Variants in PKDCC observed in about 807,000 individuals in gnomAD.
PKDCC encodes protein kinase domain containing, cytoplasmic.
PKDCC carries 35 observed loss-of-function variants against 44.7 expected under a neutral mutation model. The ratio of observed to expected loss-of-function variants is 0.78; its 90% CI spans 0.60 to 1.04. The LOEUF (loss-of-function observed/expected upper bound fraction) is 1.04. Among genes scored for constraint, PKDCC ranks in the 50% least tolerant of loss-of-function variants. The pLI is 0.00. For synonymous variants in PKDCC, 353 were observed against 303.3 expected (o/e 1.16, Z -1.70); for missense variants, 738 against 672.7 (o/e 1.10, Z -1.07).
At chr2:42,053,977 T>C (rs905890783) in intron 2 of PKDCC, 59 bp from the exon 3 acceptor site, 6 of 1,562,782 alleles carry the variant, frequency 3.8e-6, no homozygotes, top group Non-Finnish European at 4.3e-6. Context: ...TGCCCTCGAG[T>C]CCCACAGACC....
Position 42,050,882 on chromosome 2 carries a change from G to A in PKDCC, c.639+2044G>A, listed in dbSNP as rs73930810. Among the ~76,000 whole-genome samples, 945 of 152,202 alleles carry A rather than the reference G, an allele frequency of 6.2e-3. 11 individuals carry two copies. The highest frequency in any genetic ancestry group is 0.022 in the African/African-American group (900 of 41,510). ...AGTGTCGCTCTGGCCTCCTAAACAC[G>A]GCCATCTTTGCTGGCAGGGAAGCCT... On this transcript the variant is annotated intron_variant, in intron 1 of 6. Coordinates refer to ENST00000294964, the MANE Select transcript of PKDCC (RefSeq NM_138370.3).
Position 42,055,373 on chromosome 2 carries a change from C to T in PKDCC, c.1202C>T (p.Ser401Phe), listed in dbSNP as rs1668036736. The T allele has an allele frequency of 1.9e-6, 3 of 1,613,604 alleles. No homozygotes were observed. Among genetic ancestry groups the T allele is most frequent in the Non-Finnish European group, 2.5e-6 (3 of 1,179,964 alleles). The change falls in exon 5 of 7, where the codon TCC becomes TTC. Residue 401 changes from serine (S) to phenylalanine (F), a missense_variant. Physicochemically the swap from Ser to Phe is radical, Grantham distance 155. Transcript: ENST00000294964. The surrounding 1 kb of genome is among the most constrained non-coding windows in gnomAD (Gnocchi z 4.5). Reference sequence around the variant, plus strand: ...CGGAGCGGGCAGTATCTGCAGAACTCCACGGCAAGCAGCAGTACCGGTGAG... The same window carrying T: ...CGGAGCGGGCAGTATCTGCAGAACTTCACGGCAAGCAGCAGTACCGGTGAG... Reference protein sequence around the residue: ...LYRSGQYLQNSTASSSTEYQC... With the variant: ...LYRSGQYLQNFTASSSTEYQC...
At position 42,054,366 on chromosome 2, in the gene PKDCC, G is replaced by A; in HGVS notation, c.1034+59G>A. 2 of 1,531,408 alleles carry A rather than the reference G, an allele frequency of 1.3e-6. No homozygotes were observed. The highest frequency in any genetic ancestry group is 1.8e-6 in the Non-Finnish European group (2 of 1,134,974). 94.9% of individuals were successfully genotyped at this position (1,531,408 alleles called of 1,614,324 possible). A position where few individuals can be genotyped will look rare whatever the true frequency, so the allele number is the denominator to read the frequency against. The stretch of plus-strand genomic sequence containing the variant: ...AAGGAGAATGGGCCAGGAGGGCATG[G>A]CAGGAAGAGAGCCAACGTGGAGGCC... On this transcript the variant is annotated intron_variant, in intron 3 of 6. Transcript: ENST00000294964. The surrounding 1 kb of genome is among the most constrained non-coding windows in gnomAD (Gnocchi z 6.1).
In PKDCC at chr2:42,053,179, G is replaced by T. The variant is rs1318311927; in HGVS notation, c.640-60G>T. The T allele has an allele frequency of 1.3e-5, 17 of 1,300,808 alleles. No individual in the cohort carries two copies. In the East Asian group the frequency reaches 4.1e-4, roughly 31 times the overall value. The allele number at this position is 1,300,808 out of a possible 1,614,324, so 80.6% of individuals were successfully genotyped here. A position where few individuals can be genotyped will look rare whatever the true frequency, so the allele number is the denominator to read the frequency against. Reference sequence around the variant, plus strand: ...GAGAGAGGGGGAACCTGACAGTCCAGCCCTTCCCTGTCCCCACCCCCACCC... The same window carrying T: ...GAGAGAGGGGGAACCTGACAGTCCATCCCTTCCCTGTCCCCACCCCCACCC... On this transcript the variant is annotated intron_variant, in intron 1 of 6. Transcript: ENST00000294964.
Position 42,054,274 on chromosome 2 carries a change from T to C in PKDCC, c.1001T>C (p.Met334Thr), listed in dbSNP as rs1355607890. The C allele has an allele frequency of 2.5e-6, 4 of 1,606,060 alleles. No individual in the cohort carries two copies. Among genetic ancestry groups the C allele is most frequent in the Non-Finnish European group, 3.4e-6 (4 of 1,176,038 alleles). Residue 334 changes from methionine (M) to threonine (T), a missense_variant, in exon 3 of 7, where the codon ATG becomes ACG. Met to Thr is a moderately conservative substitution (Grantham distance 81, BLOSUM62 -1). Coordinates refer to ENST00000294964, the MANE Select transcript of PKDCC (RefSeq NM_138370.3). This position sits in a 1 kb window ranked among gnomAD's most constrained non-coding sequence, Gnocchi z 6.1. The part of the protein sequence containing the change: ...PCSAQGWCEG[M>T]NEKRNLYNAY... ...TCAGCCCAGGGCTGGTGCGAGGGCA[T>C]GAACGAGAAGCGGAACCTCTATAAT... is the stretch of plus-strand genomic sequence containing the variant.
chr2:42,055,452 C>A lies in PKDCC; in HGVS notation c.1222+59C>A. The A allele has an allele frequency of 6.7e-7, 1 of 1,498,068 alleles. No individual in the cohort carries two copies. The highest frequency in any genetic ancestry group is 9.2e-7 in the Non-Finnish European group (1 of 1,089,672). The allele number at this position is 1,498,068 out of a possible 1,614,324, so 92.8% of individuals were successfully genotyped here. A position where few individuals can be genotyped will look rare whatever the true frequency, so the allele number is the denominator to read the frequency against. On this transcript the variant is annotated intron_variant, in intron 5 of 6. Transcript: ENST00000294964. This position sits in a 1 kb window ranked among gnomAD's most constrained non-coding sequence, Gnocchi z 4.5. ...AGAAACAGGTGGGAGGGTGAATGACCCCGCCCAATTAGGCTAAGTGGCTCA... is the reference window on the plus strand; with the variant it reads ...AGAAACAGGTGGGAGGGTGAATGACACCGCCCAATTAGGCTAAGTGGCTCA...
intron 1 of PKDCC, among the ~76,000 whole-genome samples, chr2:42,049,571 T>A (rs1667933775): frequency 6.6e-6 from 1 of 152,100 alleles, no homozygotes; most frequent in Non-Finnish European, 1.5e-5. Context: ...TGTCACACTG[T>A]CTGAGTGTAT....
chr2:42,057,483 G>A, intron 6 of PKDCC, 89 bp downstream of exon 6: 1 of 1,574,110 alleles, frequency 6.4e-7, no homozygotes, highest in Non-Finnish European at 8.7e-7. Context: ...AAGTCAGAGG[G>A]GGTGCTGAGG....
At chr2:42,053,477 G>C in intron 2 of PKDCC, 116 bp downstream of exon 2, 2 of 1,405,662 alleles carry the variant, frequency 1.4e-6, no homozygotes, top group Non-Finnish European at 9.6e-7. Flanking sequence ...GGGAGGGGAG[G>C]AAGGCGCACA....
intron 1 of PKDCC, 49 bp from the exon 2 acceptor site, chr2:42,053,190 T>TGGC: frequency 5.8e-6 from 7 of 1,199,986 alleles, no homozygotes; most frequent in South Asian, 1.3e-5. Context: ...CCCTTCCCTG[T>TGGC]CCCCACCCCC....
chr2:42,048,303 C>T lies in PKDCC; in HGVS notation c.104C>T (p.Pro35Leu). ...GCTCCGGGCTCGGAGCCTCCGAGGC[C>T]AGGCCAGTCCCCTGAGCCTTCGCCG... Reference protein sequence around the residue: ...LFAPGSEPPRPGQSPEPSPAP... With the variant: ...LFAPGSEPPRLGQSPEPSPAP... The change falls in exon 1 of 7, where the codon CCA (proline) becomes CTA (leucine). Residue 35 changes from proline to leucine, a missense_variant. By Grantham distance (98) the Pro-to-Leu change is moderately conservative. Coordinates refer to ENST00000294964, the MANE Select transcript of PKDCC (RefSeq NM_138370.3). The surrounding 1 kb of genome is among the most constrained non-coding windows in gnomAD (Gnocchi z 6.2). 8.1e-7 allele frequency: 1 copy of T among 1,240,282 alleles called. No individual in the cohort carries two copies. The highest frequency in any genetic ancestry group is 2.4e-5 in the South Asian group (1 of 42,194). 76.8% of individuals were successfully genotyped at this position (1,240,282 alleles called of 1,614,324 possible).
In PKDCC at chr2:42,052,772, A is replaced by G. The variant is rs1008777608; in HGVS notation, c.640-467A>G. On this transcript the variant is annotated intron_variant, in intron 1 of 6. Coordinates refer to ENST00000294964, the MANE Select transcript of PKDCC (RefSeq NM_138370.3). The surrounding 1 kb of genome is among the most constrained non-coding windows in gnomAD (Gnocchi z 4.3). ...AAAAAAGAAAAGAAAAGAAAAATAA[A>G]TAAAAATAGGTTGTGGAATCCGAGT... 2.6e-5 allele frequency among the ~76,000 whole-genome samples: 4 copies of G among 151,152 alleles called. No individual in the cohort carries two copies. Among genetic ancestry groups the G allele is most frequent in the Admixed American group, 1.3e-4 (2 of 15,206 alleles).
In PKDCC at chr2:42,057,988, T is replaced by C; in HGVS notation, c.*300T>C. 1 of 432,680 alleles carries C rather than the reference T, an allele frequency of 2.3e-6. No individual in the cohort carries two copies. The highest frequency in any genetic ancestry group is 4.2e-6 in the Non-Finnish European group (1 of 237,506). The allele number at this position is 432,680 out of a possible 1,614,324, so 26.8% of individuals were successfully genotyped here. Reference sequence around the variant, plus strand: ...AGGCTAGTCTCCCCACTGGGGGCTGTGCCCCTCCCTGGGACGGTTCCGTGG... The same window carrying C: ...AGGCTAGTCTCCCCACTGGGGGCTGCGCCCCTCCCTGGGACGGTTCCGTGG... On this transcript the variant is annotated 3_prime_UTR_variant, in exon 7 of 7. Coordinates refer to ENST00000294964, the MANE Select transcript of PKDCC (RefSeq NM_138370.3).
Position 42,057,788 on chromosome 2 carries a change from A to G in PKDCC, c.*100A>G, listed in dbSNP as rs1668083192. The G allele has an allele frequency of 1.0e-6, 1 of 953,034 alleles. No homozygotes were observed. The highest frequency in any genetic ancestry group is 1.6e-6 in the Non-Finnish European group (1 of 623,938). 59.0% of individuals were successfully genotyped at this position (953,034 alleles called of 1,614,324 possible). ...TGGCAGCACTGCATGTCACCTGGGA[A>G]CCCCTGCAGACAAAGCTAACATCCC... is the stretch of plus-strand genomic sequence containing the variant. On this transcript the variant is annotated 3_prime_UTR_variant, in exon 7 of 7. Transcript: ENST00000294964.
At chr2:42,056,019 G>C (rs1013166726) in intron 5 of PKDCC, among the ~76,000 whole-genome samples, 2 of 152,200 alleles carry the variant, frequency 1.3e-5, no homozygotes, top group Non-Finnish European at 2.9e-5. Context: ...GGGGTGAGCA[G>C]GTTTCATATT....
chr2:42,048,240 C>T lies in PKDCC; in HGVS notation c.41C>T (p.Ala14Val). 1.6e-6 allele frequency: 2 copies of T among 1,268,794 alleles called. No homozygotes were observed. The allele number at this position is 1,268,794 out of a possible 1,614,324, so 78.6% of individuals were successfully genotyped here. A position where few individuals can be genotyped will look rare whatever the true frequency, so the allele number is the denominator to read the frequency against. ...RRAAVAAGFC[A>V]SFLLGSVLNV... ...GCGGCAGTGGCCGCGGGTTTCTGCG[C>T]CTCCTTCCTGCTGGGCTCCGTCCTC... The change falls in exon 1 of 7, where the codon GCC becomes GTC. Residue 14 changes from alanine to valine, a missense_variant. Ala to Val is a moderately conservative substitution (Grantham distance 64). Coordinates refer to ENST00000294964, the MANE Select transcript of PKDCC (RefSeq NM_138370.3). This position sits in a 1 kb window ranked among gnomAD's most constrained non-coding sequence, Gnocchi z 6.2.
chr2:42,054,223 C>T lies in PKDCC; in HGVS notation c.950C>T (p.Pro317Leu), dbSNP rs765017603. The T allele has an allele frequency of 9.4e-6, 15 of 1,603,248 alleles. No individual in the cohort carries two copies. Among genetic ancestry groups the T allele is most frequent in the Middle Eastern group, 1.7e-4 (1 of 5,844 alleles). Residue 317 changes from proline to leucine, a missense_variant, in exon 3 of 7, where the codon CCG (proline) becomes CTG (leucine). Pro to Leu is a moderately conservative substitution (Grantham distance 98). Transcript: ENST00000294964. This position sits in a 1 kb window ranked among gnomAD's most constrained non-coding sequence, Gnocchi z 6.1. ...AGSTDCILEF[P>L]ARNFTLPCSA... is the part of the protein sequence containing the mutation. The stretch of plus-strand genomic sequence containing the variant: ...AGCACCGACTGCATACTCGAGTTTC[C>T]GGCCAGGAACTTCACCCTGCCCTGC...
rs944676081 is a variant in PKDCC at position 42,058,035 on chromosome 2, A to G, written c.*347A>G. On this transcript the variant is annotated 3_prime_UTR_variant, in exon 7 of 7. Coordinates refer to ENST00000294964, the MANE Select transcript of PKDCC (RefSeq NM_138370.3). This position sits in a 1 kb window ranked among gnomAD's most constrained non-coding sequence, Gnocchi z 4.2. ...GTGGGCAGCCCCATCACTGTGTTCAATAGTGTGAGAATGTAGCTAAAGCCC... is the reference window on the plus strand; with the variant it reads ...GTGGGCAGCCCCATCACTGTGTTCAGTAGTGTGAGAATGTAGCTAAAGCCC... The G allele has an allele frequency of 5.0e-5, 15 of 298,064 alleles. No homozygotes were observed. Among genetic ancestry groups the G allele is most frequent in the East Asian group, 2.2e-4 (3 of 13,542 alleles). 18.5% of individuals were successfully genotyped at this position (298,064 alleles called of 1,614,324 possible).
Position 42,053,337 on chromosome 2 carries a change from A to G in PKDCC, c.738A>G (p.Gln246=), listed in dbSNP as rs143773696. ...GAPVEMIQLL[Q]TSWEDRFRIC... ...CTGTAGAAATGATCCAGCTGCTGCA[A>G]ACTTCCTGGGAGGATCGATTCCGAG... Residue 246 remains glutamine (Q), a synonymous_variant, in exon 2 of 7, where the codon CAA becomes CAG. Transcript: ENST00000294964. The G allele has an allele frequency of 2.2e-4, 354 of 1,613,658 alleles. No homozygotes were observed. Among genetic ancestry groups the G allele is most frequent in the African/African-American group, 1.5e-3 (116 of 75,028 alleles).
Sources: allele counts gnomAD v4.1 joint callset (sites outside exome capture counted in the v4.1 genomes callset), GRCh38; gene constraint gnomAD v4.1.1; non-coding constraint Gnocchi (gnomAD v3.1); transcripts MANE v1.5; gene names NCBI Gene and HGNC (gene_info 2026-07-23, HGNC 2026-07-21).